The following PLD4 variants were observed in gnomAD, a reference collection of about 807,000 sequenced individuals.
PLD4 encodes the protein 5'-3' exonuclease PLD4.
Under a neutral mutation model 52.3 loss-of-function variants are expected in PLD4, and 54 were observed. That is an observed-to-expected ratio of 1.03 (90% CI 0.83 to 1.30). The LOEUF is 1.30. Ranked by LOEUF, PLD4 falls within the 50% of genes most tolerant of loss-of-function variation. The pLI is 0.00. For missense variants in PLD4, 731 were observed against 671.1 expected, an observed-to-expected ratio of 1.09 and a Z score of -0.99; for synonymous variants, 264 against 286.5, an observed-to-expected ratio of 0.92 and a Z score of 0.79.
rs1169490366 is a variant in PLD4, at chr14:104,928,573, C to T, written c.285-176C>T. Among the ~76,000 whole-genome samples, 4 of 152,218 alleles carry T rather than the reference C, an allele frequency of 2.6e-5. No individual in the cohort carries two copies. The East Asian group carries it at 7.7e-4, about 29-fold the overall frequency. ...CATGCTGGGCTCAGGCCCACCCTGC[C>T]CAGTCTGTTTTGTTGCCTATACCTT... On this transcript the variant is annotated intron_variant, in intron 3 of 10. Coordinates refer to ENST00000392593, the MANE Select transcript of PLD4 (RefSeq NM_138790.5).
Position 104,932,394 on chromosome 14 carries a change from G to A in PLD4, c.1321+39G>A, listed in dbSNP as rs1897685892. ...GATCACGGCGGGCGGGCCCCAGGGT[G>A]GCCAGGCACGGGCGAGGGAGGCACT... On this transcript the variant is annotated intron_variant, in intron 10 of 10. Transcript: ENST00000392593. The surrounding 1 kb of genome is among the most constrained non-coding windows in gnomAD (Gnocchi z 6.5). 6.3e-7 allele frequency: 1 copy of A among 1,593,774 alleles called. No individual in the cohort carries two copies. The highest frequency in any genetic ancestry group is 8.6e-7 in the Non-Finnish European group (1 of 1,164,086).
At position 104,932,316 on chromosome 14, in the gene PLD4, C is replaced by A. The variant is rs762407353; in HGVS notation, c.1282C>A (p.His428Asn). The A allele has an allele frequency of 6.2e-7, 1 of 1,612,672 alleles. No homozygotes were observed. Among genetic ancestry groups the A allele is most frequent in the Admixed American group, 1.7e-5 (1 of 60,022 alleles). ...HSNIPFSRVN[H>N]SKFMVTEKAA... Reference sequence around the variant, plus strand: ...CAACATCCCATTCAGCAGGGTGAACCACAGCAAGTTCATGGTCACGGAGAA... The same window carrying A: ...CAACATCCCATTCAGCAGGGTGAACAACAGCAAGTTCATGGTCACGGAGAA... Residue 428 changes from histidine to asparagine, a missense_variant, in exon 10 of 11, where the codon CAC becomes AAC. His to Asn is a moderately conservative substitution (Grantham distance 68). Coordinates refer to ENST00000392593, the MANE Select transcript of PLD4 (RefSeq NM_138790.5). The surrounding 1 kb of genome is among the most constrained non-coding windows in gnomAD (Gnocchi z 6.5).
intron 5 of PLD4, 144 bp from the exon 6 acceptor site, chr14:104,929,834 T>C (rs1240763263): frequency 3.1e-6 from 3 of 966,710 alleles, no homozygotes; most frequent in Non-Finnish European, 4.6e-6. Context: ...ACCTATAAAA[T>C]GGGGATGAGG....
In PLD4 at chr14:104,932,222, G is replaced by A. The variant is rs1330277183; in HGVS notation, c.1225-37G>A. On this transcript the variant is annotated intron_variant, in intron 9 of 10. Coordinates refer to ENST00000392593, the MANE Select transcript of PLD4 (RefSeq NM_138790.5). The surrounding 1 kb of genome is among the most constrained non-coding windows in gnomAD (Gnocchi z 6.5). ...CGGGCGTGGGAAAGGCGGCCCTCCT[G>A]CCGCCCTTCCTGACGCGCTGCCTCT... is the stretch of plus-strand genomic sequence containing the variant. 2 of 1,612,468 alleles carry A rather than the reference G, an allele frequency of 1.2e-6. No homozygotes were observed. Among genetic ancestry groups the A allele is most frequent in the Non-Finnish European group, 1.7e-6 (2 of 1,179,716 alleles).
At chr14:104,927,426 C>T (rs1897493176) in intron 2 of PLD4, among the ~76,000 whole-genome samples, 196 bp downstream of exon 2, 2 of 152,176 alleles carry the variant, frequency 1.3e-5, no homozygotes, top group African/African-American at 2.4e-5. Context: ...TGGGGACAGC[C>T]AGTTACCACG....
At chr14:104,933,854 G>T (rs1313913590), downstream of PLD4, 1 of 30,948 alleles carries the variant, frequency 3.2e-5, no homozygotes, top group African/African-American at 1.9e-4. Context: ...CGGGAGGGCG[G>T]GAGGCGACCC....
At position 104,924,998 on chromosome 14, in the gene PLD4, C is replaced by G. The variant is rs1477618579; in HGVS notation, c.-1+8C>G. 1 of 152,622 alleles carries G rather than the reference C, an allele frequency of 6.6e-6. No homozygotes were observed. Among genetic ancestry groups the G allele is most frequent in the East Asian group, 1.9e-4 (1 of 5,208 alleles). The allele number at this position is 152,622 out of a possible 1,614,324, so 9.5% of individuals were successfully genotyped here. On this transcript the variant is annotated splice_region_variant and intron_variant, in intron 1 of 10. Transcript: ENST00000392593. The surrounding 1 kb of genome is among the most constrained non-coding windows in gnomAD (Gnocchi z 4.4). ...AAGGCAGGACCCCCAGAGGTATGTG[C>G]CAATGAGGCCAGGGCAGCTGAGAAA...
At chr14:104,930,280 G>A (rs1897600561) in intron 6 of PLD4, among the ~76,000 whole-genome samples, 175 bp downstream of exon 6, 1 of 152,194 alleles carries the variant, frequency 6.6e-6, no homozygotes, top group African/African-American at 2.4e-5. Flanking sequence ...ATTCTACACA[G>A]CCACTGAATT....
rs1473846051 is a variant in PLD4, at chr14:104,927,018, G to C, written c.1-123G>C. The C allele has an allele frequency of 1.3e-5, 11 of 823,510 alleles. No individual in the cohort carries two copies. In the African/African-American group the frequency reaches 1.8e-4, roughly 13 times the overall value. The allele number at this position is 823,510 out of a possible 1,614,324, so 51.0% of individuals were successfully genotyped here. A position where few individuals can be genotyped will look rare whatever the true frequency, so the allele number is the denominator to read the frequency against. On this transcript the variant is annotated intron_variant, in intron 1 of 10. Coordinates refer to ENST00000392593, the MANE Select transcript of PLD4 (RefSeq NM_138790.5). The stretch of plus-strand genomic sequence containing the variant: ...GGGCGTGACCTCGGGCATGAGTGGG[G>C]GGCTTTTGGGGGCTTATGTGGGTGT...
Position 104,932,458 on chromosome 14 carries a change from C to A in PLD4, c.1321+103C>A. On this transcript the variant is annotated intron_variant, in intron 10 of 10. Coordinates refer to ENST00000392593, the MANE Select transcript of PLD4 (RefSeq NM_138790.5). The surrounding 1 kb of genome is among the most constrained non-coding windows in gnomAD (Gnocchi z 6.5). ...GCGTGGACACCTCAGGAGGGAGGGG[C>A]TGCTGCTGAAGGGGGACGGGGTCTC... is the stretch of plus-strand genomic sequence containing the variant. 1 of 1,288,100 alleles carries A rather than the reference C, an allele frequency of 7.8e-7. No individual in the cohort carries two copies. The highest frequency in any genetic ancestry group is 1.1e-6 in the Non-Finnish European group (1 of 914,252). The allele number at this position is 1,288,100 out of a possible 1,614,324, so 79.8% of individuals were successfully genotyped here.
rs1427492956 is a variant in PLD4, at chr14:104,927,737, G to A, written c.155G>A (p.Trp52Ter). ...TCCGTGGCTCTTATCTGCCTCCTGTGGCAAGTGCCCCGTCCTCCCACCTGG... is the reference window on the plus strand; with the variant it reads ...TCCGTGGCTCTTATCTGCCTCCTGTAGCAAGTGCCCCGTCCTCCCACCTGG... ...LGSVALICLL[W>*]QVPRPPTWGQ... Residue 52 changes from tryptophan (W) to a stop codon, truncating the protein, a stop_gained, in exon 3 of 11, where the codon TGG becomes TAG. Coordinates refer to ENST00000392593, the MANE Select transcript of PLD4 (RefSeq NM_138790.5). LOFTEE classifies it high-confidence loss of function. The A allele has an allele frequency of 1.3e-6, 2 of 1,598,620 alleles. No individual in the cohort carries two copies. Among genetic ancestry groups the A allele is most frequent in the South Asian group, 2.2e-5 (2 of 89,240 alleles).
chr14:104,929,697 G>A (rs1219782093), intron 5 of PLD4, among the ~76,000 whole-genome samples: 1 of 152,214 alleles, frequency 6.6e-6, no homozygotes, highest in Non-Finnish European at 1.5e-5. Flanking sequence ...CAGCTGACCT[G>A]TGGGTGGAGG....
intron 4 of PLD4, 31 bp from the exon 5 acceptor site, chr14:104,929,276 G>A (rs748611295): frequency 9.5e-6 from 15 of 1,582,070 alleles, no homozygotes; most frequent in Non-Finnish European, 1.2e-5. Flanking sequence ...GCAGCCTGAG[G>A]TCAGCTCTCA....
chr14:104,925,999 T>C (rs1169445429), intron 1 of PLD4, among the ~76,000 whole-genome samples: 3 of 152,124 alleles, frequency 2.0e-5, no homozygotes, highest in African/African-American at 7.2e-5. Context: ...CGCCCCATGC[T>C]GAGGCAGGCC....
At chr14:104,931,365 G>A (rs1170976006) in intron 7 of PLD4, among the ~76,000 whole-genome samples, 2 of 152,134 alleles carry the variant, frequency 1.3e-5, no homozygotes, top group African/African-American at 4.8e-5. Context: ...GCCCACGGGG[G>A]TGGGGGTGGA....
chr14:104,925,316 CA>C (rs1897419321), intron 1 of PLD4, among the ~76,000 whole-genome samples: 1 of 152,216 alleles, frequency 6.6e-6, no homozygotes, highest in African/African-American at 2.4e-5. Flanking sequence ...ACCATGGGAC[CA>C]GGGGGCTACA....
chr14:104,937,781 C>T (rs1372796636), downstream of PLD4: 4 of 393,302 alleles, frequency 1.0e-5, no homozygotes, highest in African/African-American at 6.1e-5. Context: ...CAACAAACTT[C>T]CCCAGCAGTG....
chr14:104,935,417 T>C (rs182901921), downstream of PLD4: 114 of 152,382 alleles, frequency 7.5e-4, no homozygotes, highest in African/African-American at 2.6e-3. Context: ...AGATGCCTAT[T>C]CCAAAGGAAA....
In PLD4 at chr14:104,932,227, C is replaced by T; in HGVS notation, c.1225-32C>T. 6.2e-7 allele frequency: 1 copy of T among 1,612,488 alleles called. No individual in the cohort carries two copies. The highest frequency in any genetic ancestry group is 1.7e-5 in the Admixed American group (1 of 60,012). Reference sequence around the variant, plus strand: ...GTGGGAAAGGCGGCCCTCCTGCCGCCCTTCCTGACGCGCTGCCTCTGCTCC... The same window carrying T: ...GTGGGAAAGGCGGCCCTCCTGCCGCTCTTCCTGACGCGCTGCCTCTGCTCC... On this transcript the variant is annotated intron_variant, in intron 9 of 10. Coordinates refer to ENST00000392593, the MANE Select transcript of PLD4 (RefSeq NM_138790.5). This position sits in a 1 kb window ranked among gnomAD's most constrained non-coding sequence, Gnocchi z 6.5.
Sources: allele counts gnomAD v4.1 joint callset (sites outside exome capture counted in the v4.1 genomes callset), GRCh38; gene constraint gnomAD v4.1.1; non-coding constraint Gnocchi (gnomAD v3.1); transcripts MANE v1.5; gene names NCBI Gene and HGNC (gene_info 2026-07-23, HGNC 2026-07-21).